CEPT1: variants seen among roughly 807,000 people sequenced by gnomAD.
The protein encoded by CEPT1 is choline/ethanolamine phosphotransferase 1.
A neutral mutation model predicts 42.6 loss-of-function variants in CEPT1; 7 were observed. The ratio of observed to expected loss-of-function variants is 0.16; its 90% CI spans 0.09 to 0.31. CEPT1 has a LOEUF of 0.31. CEPT1 is among the 10% of genes least tolerant of loss of function. The pLI is 1.00. For missense variants in CEPT1, 306 were observed against 502.1 expected, an observed-to-expected ratio of 0.61 and a Z score of 3.73; for synonymous variants, 171 against 171.9, an observed-to-expected ratio of 0.99 and a Z score of 0.04.
intron 4 of CEPT1, among the ~76,000 whole-genome samples, chr1:111,173,966 T>A (rs1656549569): frequency 1.3e-5 from 2 of 152,150 alleles, no homozygotes; most frequent in Admixed American, 6.5e-5. Context: ...TTTTTTAAAT[T>A]ATGCTATTAT....
chr1:111,181,729 T>A (rs1656999558), intron 5 of CEPT1: 2 of 152,320 alleles, frequency 1.3e-5, no homozygotes, highest in South Asian at 4.1e-4. Flanking sequence ...GATTTTTATA[T>A]CTAGTCGCAA....
At chr1:111,159,358 C>T (rs924152073) in intron 2 of CEPT1, 22 bp from the exon 3 acceptor site, 2 of 1,597,084 alleles carry the variant, frequency 1.3e-6, no homozygotes, top group African/African-American at 2.7e-5. Flanking sequence ...AATACTCTTG[C>T]CTTTCTTATT....
At chr1:111,147,400 A>G (rs1290402300) in intron 1 of CEPT1, among the ~76,000 whole-genome samples, 11 of 152,218 alleles carry the variant, frequency 7.2e-5, no homozygotes, top group Non-Finnish European at 1.3e-4. Context: ...CAGACAGACT[A>G]TCAGATAATA....
intron 4 of CEPT1, among the ~76,000 whole-genome samples, chr1:111,172,660 TG>T (rs1656479357): frequency 6.6e-6 from 1 of 152,224 alleles, no homozygotes; most frequent in South Asian, 2.1e-4. Flanking sequence ...TTCCCATTCC[TG>T]GGAATGACTT....
At chr1:111,158,581 C>T (rs1259199421) in intron 2 of CEPT1, among the ~76,000 whole-genome samples, 2 of 152,080 alleles carry the variant, frequency 1.3e-5, no homozygotes, top group African/African-American at 4.8e-5. Flanking sequence ...ATTATGTCCC[C>T]CTCTTGAATA....
At chr1:111,147,417 A>C (rs573441164) in intron 1 of CEPT1, among the ~76,000 whole-genome samples, 2 of 152,196 alleles carry the variant, frequency 1.3e-5, no homozygotes, top group Non-Finnish European at 1.5e-5. Flanking sequence ...AATAGGAAGC[A>C]TACTACTATT....
rs192425273 is a variant in CEPT1, at chr1:111,163,157, G to A, written c.629+1861G>A. 2.9e-4 allele frequency among the ~76,000 whole-genome samples: 44 copies of A among 152,006 alleles called. 1 individual carries two copies. Among genetic ancestry groups the A allele is most frequent in the African/African-American group, 1.0e-3 (42 of 41,438 alleles). On this transcript the variant is annotated intron_variant, in intron 4 of 8. Transcript: ENST00000357172. ...GCTTGCAAGGCTTGGGGTTGGGGGC[G>A]GGGGGAAACACTAGATATATTAAGA...
rs564725716 is a variant in CEPT1, at chr1:111,158,079, C to T, written c.340-1301C>T. On this transcript the variant is annotated intron_variant, in intron 2 of 8. Transcript: ENST00000357172. ...ATACCAGGCTGGGTGCGTTGGCTCA[C>T]GCCTGTAATCCCAACACTTTGGGAG... Among the ~76,000 whole-genome samples, 17 of 152,274 alleles carry T rather than the reference C, an allele frequency of 1.1e-4. No homozygotes were observed. In the East Asian group the frequency reaches 2.9e-3, roughly 26 times the overall value.
rs1655057410 is a variant in CEPT1, at chr1:111,147,850, C to T, written c.136C>T (p.His46Tyr). ...FQLPTPPLSR[H>Y]QLKRLEEHRY... ...GTTACCAACACCACCATTGTCAAGA[C>T]ACCAACTAAAGCGGCTAGAAGAACA... Residue 46 changes from histidine to tyrosine, a missense_variant, in exon 2 of 9, where the codon CAC becomes TAC. By Grantham distance (83) the His-to-Tyr change is moderately conservative. Transcript: ENST00000357172. 1.2e-6 allele frequency: 2 copies of T among 1,613,974 alleles called. No homozygotes were observed. The highest frequency in any genetic ancestry group is 2.2e-5 in the East Asian group (1 of 44,892).
At chr1:111,156,125 A>G (rs1194136152) in intron 2 of CEPT1, among the ~76,000 whole-genome samples, 1 of 152,120 alleles carries the variant, frequency 6.6e-6, no homozygotes, top group Non-Finnish European at 1.5e-5. Flanking sequence ...TTTTTCAAAA[A>G]ATGATTTACT....
At chr1:111,161,034 T>C in intron 3 of CEPT1, 121 bp from the exon 4 acceptor site, 1 of 962,846 alleles carries the variant, frequency 1.0e-6, no homozygotes, top group Non-Finnish European at 1.6e-6. Flanking sequence ...TCTGTTACAA[T>C]AGATAACTGA....
rs377593173 is a variant in CEPT1 at position 111,161,151 on chromosome 1, G to A, written c.488-4G>A. ...TGGTTTTCATCGTGATCTTTCTTCT[G>A]CAGTTTTTGTGGTTCTTGGAACTTG... is the stretch of plus-strand genomic sequence containing the variant. On this transcript the variant is annotated splice_polypyrimidine_tract_variant and splice_region_variant and intron_variant, in intron 3 of 8. Transcript: ENST00000357172. 6 of 1,613,886 alleles carry A rather than the reference G, an allele frequency of 3.7e-6. No individual in the cohort carries two copies. Among genetic ancestry groups the A allele is most frequent in the Non-Finnish European group, 5.1e-6 (6 of 1,179,898 alleles).
chr1:111,168,748 C>A (rs1432548424), intron 4 of CEPT1, among the ~76,000 whole-genome samples: 1 of 152,174 alleles, frequency 6.6e-6, no homozygotes, highest in Non-Finnish European at 1.5e-5. Context: ...TGGCTGAGTT[C>A]TTTCTGAAAA....
intron 1 of CEPT1, among the ~76,000 whole-genome samples, chr1:111,145,551 C>A (rs149547291): frequency 6.6e-6 from 1 of 152,238 alleles, no homozygotes; most frequent in Admixed American, 6.5e-5. Context: ...ATTGTGTTCA[C>A]ATGTCCATAC....
Position 111,174,029 on chromosome 1 carries a change from T to C in CEPT1, c.630-850T>C, listed in dbSNP as rs76087326. 6.9e-3 allele frequency among the ~76,000 whole-genome samples: 1,046 copies of C among 152,280 alleles called. 14 individuals carry two copies. The highest frequency in any genetic ancestry group is 0.021 in the African/African-American group (873 of 41,550). On this transcript the variant is annotated intron_variant, in intron 4 of 8. Coordinates refer to ENST00000357172, the MANE Select transcript of CEPT1 (RefSeq NM_006090.5). ...TTGTACAAACATCATTTTGTGCAAG[T>C]ATATCTGTAGGGTAAGTTCTCAAAA... is the stretch of plus-strand genomic sequence containing the variant.
intron 7 of CEPT1, among the ~76,000 whole-genome samples, 171 bp from the exon 8 acceptor site, chr1:111,183,291 A>G (rs545234305): frequency 6.6e-6 from 1 of 152,302 alleles, no homozygotes; most frequent in African/African-American, 2.4e-5. Flanking sequence ...GACATGATAC[A>G]TCCCTTTCTT....
At chr1:111,150,429 A>G (rs1390760233) in intron 2 of CEPT1, among the ~76,000 whole-genome samples, 1 of 152,190 alleles carries the variant, frequency 6.6e-6, no homozygotes, top group Admixed American at 6.5e-5. Context: ...GATACATAAT[A>G]TTTCCAGTTA....
upstream of CEPT1, chr1:111,139,564 T>A (rs1188948005): frequency 6.6e-6 from 1 of 152,232 alleles, no homozygotes; most frequent in Non-Finnish European, 1.5e-5. Context: ...GGGTTGAAGA[T>A]TCTTGGTAAC....
intron 4 of CEPT1, among the ~76,000 whole-genome samples, chr1:111,164,877 C>T (rs1656057359): frequency 6.6e-6 from 1 of 151,494 alleles, no homozygotes; most frequent in Admixed American, 6.6e-5. Flanking sequence ...CCCACCTTGG[C>T]CTCCCAAAGT....
Sources: allele counts gnomAD v4.1 joint callset (sites outside exome capture counted in the v4.1 genomes callset), GRCh38; gene constraint gnomAD v4.1.1; transcripts MANE v1.5; gene names NCBI Gene and HGNC (gene_info 2026-07-23, HGNC 2026-07-21).